Variants in WDPCP observed in about 807,000 individuals in gnomAD.
The protein encoded by WDPCP is WD repeat containing planar cell polarity effector, also known as WD repeat-containing and planar cell polarity effector protein fritz homolog.
A neutral mutation model predicts 93.1 loss-of-function variants in WDPCP; 71 were observed. The observed-to-expected ratio is 0.76, with a 90% CI of 0.63 to 0.93. The LOEUF is 0.93. WDPCP is among the 40% of genes least tolerant of loss of function. The pLI, the probability that WDPCP is intolerant of heterozygous loss-of-function variation, is 0.00. For missense variants in WDPCP, 844 were observed against 887.4 expected, an observed-to-expected ratio of 0.95 and a Z score of 0.62; for synonymous variants, 315 against 315.0, an observed-to-expected ratio of 1.00 and a Z score of 0.00.
At chr2:63,654,836 A>ATT (rs11388925) in intron 2 of WDPCP, among the ~76,000 whole-genome samples, 22 of 151,324 alleles carry the variant, frequency 1.5e-4, no homozygotes, top group East Asian at 1.9e-4. Context: ...GTATATTTTT[A>ATT]TTTTTTTTTA....
upstream of WDPCP, among the ~76,000 whole-genome samples, chr2:63,832,177 C>T (rs566708357): frequency 7.9e-5 from 12 of 152,316 alleles, no homozygotes; most frequent in South Asian, 2.1e-4. Context: ...TGGGCTACAA[C>T]GCATCTGGCA....
At chr2:63,514,681 A>G (rs1284979975) in intron 1 of WDPCP, among the ~76,000 whole-genome samples, 1 of 152,168 alleles carries the variant, frequency 6.6e-6, no homozygotes, top group Non-Finnish European at 1.5e-5. Flanking sequence ...AGCTCTAGAT[A>G]GACGTTAAAC....
At chr2:63,196,831 C>G (rs1329721733) in intron 14 of WDPCP, among the ~76,000 whole-genome samples, 4 of 151,994 alleles carry the variant, frequency 2.6e-5, no homozygotes, top group Non-Finnish European at 4.4e-5. Flanking sequence ...GTAGTCAGAC[C>G]ATGAGGAAGA....
chr2:63,722,487 G>T (rs1467271211), intron 2 of WDPCP, among the ~76,000 whole-genome samples: 8 of 147,216 alleles, frequency 5.4e-5, no homozygotes, highest in African/African-American at 2.0e-4. Context: ...GAGCCCCTCC[G>T]CCCGGCAGCC....
At chr2:63,640,777 G>A (rs536088840) in intron 3 of WDPCP, among the ~76,000 whole-genome samples, 1 of 152,132 alleles carries the variant, frequency 6.6e-6, no homozygotes, top group East Asian at 1.9e-4. Flanking sequence ...GGAGAGTAGG[G>A]TATCCATCCC....
chr2:63,598,407 G>C (rs1709358187), intron 3 of WDPCP, among the ~76,000 whole-genome samples: 1 of 152,152 alleles, frequency 6.6e-6, no homozygotes, highest in Admixed American at 6.5e-5. Flanking sequence ...GGGATTACAG[G>C]TGTGAGCCAC....
intron 2 of WDPCP, among the ~76,000 whole-genome samples, chr2:63,722,112 C>T (rs1415935883): frequency 6.6e-6 from 1 of 152,168 alleles, no homozygotes; most frequent in East Asian, 1.9e-4. Flanking sequence ...GCCTTGGCCT[C>T]CCAAAGTGCC....
At chr2:63,755,024 C>T (rs1669940692) in intron 2 of WDPCP, among the ~76,000 whole-genome samples, 1 of 152,122 alleles carries the variant, frequency 6.6e-6, no homozygotes, top group Non-Finnish European at 1.5e-5. Context: ...CTATAGGCAG[C>T]TGGCTTTGGT....
At chr2:63,808,338 C>CACGG in intron 2 of WDPCP, among the ~76,000 whole-genome samples, 1 of 147,824 alleles carries the variant, frequency 6.8e-6, no homozygotes, top group South Asian at 2.2e-4. Flanking sequence ...CCCCTCTCCC[C>CACGG]TCTCCCCACG....
intron 6 of WDPCP, among the ~76,000 whole-genome samples, chr2:63,478,463 T>C (rs1435631102): frequency 2.6e-5 from 4 of 152,100 alleles, no homozygotes; most frequent in Admixed American, 1.3e-4. Context: ...TCAGTAAATT[T>C]AAGAAAACTG....
chr2:63,163,472 T>G (rs1672765662), intron 15 of WDPCP, among the ~76,000 whole-genome samples: 1 of 152,208 alleles, frequency 6.6e-6, no homozygotes, highest in Non-Finnish European at 1.5e-5. Context: ...CAGTTTTATG[T>G]AATATACATT....
intron 14 of WDPCP, among the ~76,000 whole-genome samples, chr2:63,206,608 A>G (rs538559049): frequency 5.3e-5 from 8 of 152,024 alleles, no homozygotes; most frequent in Middle Eastern, 3.2e-3. Flanking sequence ...GTGTGCCACC[A>G]TGCCTGGCTA....
chr2:63,647,473 C>T (rs1348935613), intron 3 of WDPCP, among the ~76,000 whole-genome samples: 1 of 152,082 alleles, frequency 6.6e-6, no homozygotes, highest in Non-Finnish European at 1.5e-5. Flanking sequence ...TATACAGCAA[C>T]CTGGATGAAT....
At chr2:63,737,362 A>C (rs568002973) in intron 2 of WDPCP, among the ~76,000 whole-genome samples, 6 of 152,330 alleles carry the variant, frequency 3.9e-5, no homozygotes, top group African/African-American at 1.4e-4. Context: ...GAAGATTAGC[A>C]AACACCAACT....
chr2:63,786,068 C>T (rs528058650), intron 2 of WDPCP, among the ~76,000 whole-genome samples: 1 of 152,224 alleles, frequency 6.6e-6, no homozygotes, highest in African/African-American at 2.4e-5. Context: ...GAGACAGGGT[C>T]TCTCTCTGTT....
chr2:63,735,147 A>G (rs2103836872), intron 2 of WDPCP, among the ~76,000 whole-genome samples: 1 of 152,328 alleles, frequency 6.6e-6, no homozygotes, highest in Middle Eastern at 3.4e-3. Flanking sequence ...TAGTGAGGAA[A>G]GTAAGATATG....
chr2:63,550,773 GCATATGTACATATATATGTATA>G (rs1558794414), intron 1 of WDPCP, among the ~76,000 whole-genome samples: 1 of 118,328 alleles, frequency 8.5e-6, no homozygotes, highest in Non-Finnish European at 1.7e-5. Context: ...ATATATATGT[GCATATGTACATATATATGTATA>G]TATATATATA....
At chr2:63,415,722 G>C (rs993023814) in intron 9 of WDPCP, among the ~76,000 whole-genome samples, 19 of 152,172 alleles carry the variant, frequency 1.2e-4, no homozygotes, top group African/African-American at 4.3e-4. Context: ...TACAATCAGA[G>C]AGAGGAAATG....
chr2:63,135,332 C>T (rs1239145388), intron 17 of WDPCP, among the ~76,000 whole-genome samples: 1 of 152,080 alleles, frequency 6.6e-6, no homozygotes, highest in Non-Finnish European at 1.5e-5. Context: ...CTTCAAATGT[C>T]GTTATTTCTT....
Sources: allele counts gnomAD v4.1 joint callset (sites outside exome capture counted in the v4.1 genomes callset), GRCh38; gene constraint gnomAD v4.1.1; transcripts MANE v1.5; gene names NCBI Gene and HGNC (gene_info 2026-07-23, HGNC 2026-07-21).